The following PDE1A variants were observed in gnomAD, a reference collection of about 807,000 sequenced individuals.
PDE1A encodes phosphodiesterase 1A, also known as dual specificity calcium/calmodulin-dependent 3',5'-cyclic nucleotide phosphodiesterase 1A.
Under a neutral mutation model 61.7 loss-of-function variants are expected in PDE1A, and 35 were observed. The ratio of observed to expected loss-of-function variants is 0.57; its 90% confidence interval spans 0.43 to 0.75. The LOEUF (loss-of-function observed/expected upper bound fraction) is 0.75, where lower values mean the gene tolerates loss of function less well. Among genes scored for constraint, PDE1A ranks in the 30% least tolerant of loss-of-function variants. PDE1A has a pLI of 0.00. For missense variants in PDE1A, 597 were observed against 630.6 expected (o/e 0.95, Z 0.57); for synonymous variants, 232 against 213.2 (o/e 1.09, Z -0.77).
chr2:182,192,805 C>G (rs1685812740), intron 10 of PDE1A, among the ~76,000 whole-genome samples: 1 of 152,058 alleles, frequency 6.6e-6, no homozygotes, highest in East Asian at 1.9e-4. Flanking sequence ...CTTCAGGTTT[C>G]TTCTCTGAAA....
the PDE1A span, among the ~76,000 whole-genome samples, chr2:182,699,803 T>C: frequency 2.6e-5 from 4 of 152,256 alleles, no homozygotes; most frequent in African/African-American, 9.6e-5. Flanking sequence ...CTTAAAATAA[T>C]TCTCAAAACA....
intron 1 of PDE1A, among the ~76,000 whole-genome samples, chr2:182,269,604 G>T (rs553679318): frequency 6.6e-6 from 1 of 151,854 alleles, no homozygotes; most frequent in Admixed American, 6.6e-5. Context: ...CTCATTCTAG[G>T]TGACCAAATT....
the PDE1A span, among the ~76,000 whole-genome samples, chr2:182,627,931 G>A: frequency 9.3e-5 from 13 of 139,398 alleles, no homozygotes; most frequent in Non-Finnish European, 1.7e-4. Context: ...GCAACAGAGT[G>A]AGACTCCATC....
At chr2:182,400,310 C>A (rs753978877) in intron 1 of PDE1A, among the ~76,000 whole-genome samples, 1 of 152,138 alleles carries the variant, frequency 6.6e-6, no homozygotes, top group Non-Finnish European at 1.5e-5. Flanking sequence ...AAGTTAGCAA[C>A]CTTTCTGACA....
intron 2 of PDE1A, among the ~76,000 whole-genome samples, chr2:182,440,924 C>G (rs1035855030): frequency 2.0e-5 from 3 of 151,920 alleles, no homozygotes; most frequent in Non-Finnish European, 4.4e-5. Flanking sequence ...TTTCCCCTTA[C>G]CACGAAAATT....
intron 13 of PDE1A, among the ~76,000 whole-genome samples, chr2:182,177,906 T>A (rs1684407941): frequency 1.3e-5 from 2 of 152,174 alleles, no homozygotes; most frequent in African/African-American, 4.8e-5. Flanking sequence ...AAGCTTCTAA[T>A]CTTTCTTTTT....
chr2:182,450,869 G>C (rs1685464272), intron 2 of PDE1A, among the ~76,000 whole-genome samples: 1 of 140,294 alleles, frequency 7.1e-6, no homozygotes, highest in African/African-American at 2.6e-5. Flanking sequence ...GGCTGGCACT[G>C]TTTGTTGTAT....
the PDE1A span, among the ~76,000 whole-genome samples, chr2:182,678,268 C>T: frequency 3.3e-5 from 5 of 151,916 alleles, no homozygotes; most frequent in African/African-American, 1.2e-4. Flanking sequence ...ACTAAAAATA[C>T]AAAAATTAGC....
chr2:182,701,369 A>G, the PDE1A span, among the ~76,000 whole-genome samples: 1 of 140,670 alleles, frequency 7.1e-6, no homozygotes, highest in Non-Finnish European at 1.5e-5. Context: ...CTTTTATCCT[A>G]AACGTTAAGG....
At chr2:182,394,246 G>A (rs938239109) in intron 1 of PDE1A, among the ~76,000 whole-genome samples, 2 of 152,148 alleles carry the variant, frequency 1.3e-5, no homozygotes, top group African/African-American at 2.4e-5. Context: ...GTTGCGGGGG[G>A]CCTCACAATC....
At position 182,421,936 on chromosome 2, in the gene PDE1A, C is replaced by T. The variant is rs148592445; in HGVS notation, c.53+4642G>A. Among the ~76,000 whole-genome samples, 563 of 152,266 alleles carry T rather than the reference C, an allele frequency of 3.7e-3. 2 individuals carry two copies. The highest frequency in any genetic ancestry group is 0.013 in the African/African-American group (531 of 41,564). The stretch of plus-strand genomic sequence containing the variant: ...TTCCTATTTCATCCCACTGCTTTCT[C>T]CATTATTAAATGAAGAAAATATGCC... On this transcript the variant is annotated intron_variant, in intron 1 of 13. Coordinates refer to ENST00000351439, the Ensembl canonical transcript of PDE1A.
At chr2:182,704,545 G>T in the PDE1A span, among the ~76,000 whole-genome samples, 1 of 152,146 alleles carries the variant, frequency 6.6e-6, no homozygotes, top group Non-Finnish European at 1.5e-5. Flanking sequence ...TATATGTGCT[G>T]TGTCTACAAA....
At chr2:182,466,485 C>G (rs1430162) in intron 2 of PDE1A, among the ~76,000 whole-genome samples, 109,200 of 151,874 alleles carry the variant, frequency 0.72, 39,548 homozygotes, top group East Asian at 0.95. Flanking sequence ...TGAGGAGTGG[C>G]ATGGTCCTAC....
At chr2:182,426,510 T>G in intron 1 of PDE1A, 68 bp downstream of exon 1, 2 of 1,131,448 alleles carry the variant, frequency 1.8e-6, no homozygotes, top group Non-Finnish European at 2.7e-6. Context: ...AATCCCCAAA[T>G]TAAGGATGAA....
chr2:182,189,817 T>C (rs12473534), intron 10 of PDE1A, among the ~76,000 whole-genome samples: 31,124 of 152,150 alleles, frequency 0.2, 3,409 homozygotes, highest in East Asian at 0.33. Context: ...AAACTTTGGT[T>C]CTTTCCTTTG....
At chr2:182,428,436 AAAG>A (rs1703748185), upstream of PDE1A, among the ~76,000 whole-genome samples, 1 of 152,116 alleles carries the variant, frequency 6.6e-6, no homozygotes, top group Admixed American at 6.6e-5. Context: ...CTATAAATAA[AAAG>A]ATGATTTTAT....
intron 2 of PDE1A, among the ~76,000 whole-genome samples, chr2:182,478,529 G>A (rs187534116): frequency 6.6e-6 from 1 of 151,720 alleles, no homozygotes; most frequent in Non-Finnish European, 1.5e-5. Flanking sequence ...TTATTTCAGG[G>A]GCACCTTCAT....
the PDE1A span, among the ~76,000 whole-genome samples, chr2:182,603,239 T>C: frequency 9.2e-6 from 1 of 109,242 alleles, no homozygotes; most frequent in Non-Finnish European, 1.9e-5. Context: ...TAGGAAAATA[T>C]CATCAGTTTT....
chr2:182,267,634 C>T (rs1471793385), intron 1 of PDE1A, among the ~76,000 whole-genome samples: 2 of 151,960 alleles, frequency 1.3e-5, no homozygotes, highest in African/African-American at 4.8e-5. Context: ...ACAACTAGAA[C>T]ACGAGCTTAA....
Sources: gnomAD v4.1 joint callset for allele counts (sites outside exome capture counted in the v4.1 genomes callset) on GRCh38, gnomAD v4.1.1 for gene constraint, MANE v1.5 for transcripts, NCBI Gene and HGNC (gene_info 2026-07-23, HGNC 2026-07-21) for gene names.